Variants in ALG12 observed in about 807,000 individuals in gnomAD.
The protein encoded by ALG12 is dol-P-Man:Man(7)GlcNAc(2)-PP-Dol alpha-1,6-mannosyltransferase.
A neutral mutation model predicts 46.0 loss-of-function variants in ALG12; 36 were observed. The ratio of observed to expected loss-of-function variants is 0.78; its 90% CI spans 0.60 to 1.03. The LOEUF is 1.03. Ranked by LOEUF, ALG12 falls within the 50% of genes least tolerant of loss-of-function variation. ALG12 has a pLI of 0.00. For synonymous variants in ALG12, 326 were observed against 291.6 expected (o/e 1.12, Z -1.20); for missense variants, 599 against 633.5 (o/e 0.95, Z 0.58).
the ALG12 span, among the ~76,000 whole-genome samples, chr22:49,880,472 G>A: frequency 6.6e-6 from 1 of 152,216 alleles, no homozygotes; most frequent in Admixed American, 6.5e-5. Context: ...CTGGAAGCCT[G>A]GAAGCCCCGC....
At chr22:49,909,561 C>T (rs1048604734) in intron 5 of ALG12, among the ~76,000 whole-genome samples, 2 of 152,084 alleles carry the variant, frequency 1.3e-5, no homozygotes, top group Non-Finnish European at 2.9e-5. Context: ...GCAAGACTAT[C>T]TCTAAAACAA....
At chr22:49,891,029 CA>C in the ALG12 span, among the ~76,000 whole-genome samples, 14,998 of 118,856 alleles carry the variant, frequency 0.13, 724 homozygotes, top group South Asian at 0.22. Flanking sequence ...GACTCCATCT[CA>C]AAAAAAAAAA....
chr22:49,907,871 A>G lies in ALG12; in HGVS notation c.842T>C (p.Leu281Pro). 1 of 1,613,906 alleles carries G rather than the reference A, an allele frequency of 6.2e-7. No homozygotes were observed. Among genetic ancestry groups the G allele is most frequent in the Non-Finnish European group, 8.5e-7 (1 of 1,180,014 alleles). The change falls in exon 7 of 10, where the codon CTG becomes CCG. Residue 281 changes from leucine to proline, a missense_variant. By Grantham distance (98) the Leu-to-Pro change is moderately conservative. Transcript: ENST00000330817. ...GTGCGTCCTTCTGTCTACCAAGCCC[A>G]GGGGGATGAAGAGCAGGCTGCAGCC... Reference protein sequence around the residue: ...GLGCSLLFIPLGLVDRRTHAP... With the variant: ...GLGCSLLFIPPGLVDRRTHAP...
chr22:49,893,886 A>G, the ALG12 span, among the ~76,000 whole-genome samples: 8 of 152,184 alleles, frequency 5.3e-5, no homozygotes, highest in African/African-American at 1.9e-4. Flanking sequence ...ATTCTGGGCC[A>G]GGTGCAGTGG....
the ALG12 span, among the ~76,000 whole-genome samples, chr22:49,878,301 CAAAA>C: frequency 9.3e-6 from 1 of 107,216 alleles, no homozygotes; most frequent in African/African-American, 3.9e-5. Context: ...GACACTGTCT[CAAAA>C]AAAAAAAAAA....
At chr22:49,884,810 C>T in the ALG12 span, 2 of 1,610,068 alleles carry the variant, frequency 1.2e-6, no homozygotes, top group Non-Finnish European at 1.7e-6. Flanking sequence ...GTCAGAGAGT[C>T]CCCTTCGGCC....
chr22:49,895,939 G>C (rs1392622492), downstream of ALG12, among the ~76,000 whole-genome samples: 1 of 152,228 alleles, frequency 6.6e-6, no homozygotes, highest in East Asian at 1.9e-4. Context: ...TCTTGGTTGA[G>C]TTCTGGGAAG....
chr22:49,863,078 G>A, the ALG12 span, among the ~76,000 whole-genome samples: 1 of 152,160 alleles, frequency 6.6e-6, no homozygotes, highest in Non-Finnish European at 1.5e-5. Context: ...TAACTTGGTG[G>A]TTGGACTCGT....
chr22:49,891,009 G>A, the ALG12 span, among the ~76,000 whole-genome samples: 38 of 149,602 alleles, frequency 2.5e-4, no homozygotes, highest in Middle Eastern at 3.4e-3. Flanking sequence ...CAGCCTGGGC[G>A]ACAGAGCGAG....
chr22:49,913,320 C>G, intron 3 of ALG12, 65 bp downstream of exon 3: 1 of 1,607,458 alleles, frequency 6.2e-7, no homozygotes. Context: ...ACCGCGGCCT[C>G]GCTGAGGTCA....
intron 2 of ALG12, 29 bp downstream of exon 2, chr22:49,913,575 T>A: frequency 6.2e-7 from 1 of 1,613,684 alleles, no homozygotes; most frequent in Non-Finnish European, 8.5e-7. Context: ...AACATGAGGT[T>A]TTCCCCAAAG....
rs949064816 is a variant in ALG12 at position 49,901,876 on chromosome 22, G to T, written c.*1962C>A. The stretch of plus-strand genomic sequence containing the variant: ...TGCACTGTGTGTGGTGTGTATTCAT[G>T]GTGTGTGCACGTGTGCACTGTGTGT... On this transcript the variant is annotated 3_prime_UTR_variant, in exon 10 of 10. Transcript: ENST00000330817. 2.1e-5 allele frequency: 3 copies of T among 139,748 alleles called. No homozygotes were observed. Among genetic ancestry groups the T allele is most frequent in the Non-Finnish European group, 4.6e-5 (3 of 65,394 alleles). 8.7% of individuals were successfully genotyped at this position (139,748 alleles called of 1,614,324 possible). A position where few individuals can be genotyped will look rare whatever the true frequency, so the allele number is the denominator to read the frequency against.
rs777658699 is a variant in ALG12, at chr22:49,907,907, G to A, written c.806C>T (p.Pro269Leu). 1.2e-6 allele frequency: 2 copies of A among 1,613,356 alleles called. No individual in the cohort carries two copies. Among genetic ancestry groups the A allele is most frequent in the African/African-American group, 2.7e-5 (2 of 74,912 alleles). The change falls in exon 7 of 10, where the codon CCC becomes CTC. Residue 269 changes from proline (P) to leucine (L), a missense_variant. Coordinates refer to ENST00000330817, the MANE Select transcript of ALG12 (RefSeq NM_024105.4). ...GAGCAGGCTGCAGCCCAGGCCGCGG[G>A]GCAGGGCTGAGTAGAAGTACCACAG... ...PLLWYFYSAL[P>L]RGLGCSLLFI...
At chr22:49,862,695 T>C in the ALG12 span, among the ~76,000 whole-genome samples, 5 of 27,462 alleles carry the variant, frequency 1.8e-4, no homozygotes, top group East Asian at 6.8e-3. Flanking sequence ...AGTTTTTCCT[T>C]TTTTTTTTTT....
chr22:49,915,132 G>A (rs1341953144), intron 1 of ALG12, among the ~76,000 whole-genome samples: 1 of 152,228 alleles, frequency 6.6e-6, no homozygotes, highest in Non-Finnish European at 1.5e-5. Flanking sequence ...TGATATGGTG[G>A]GCAGGGGGTG....
chr22:49,896,846 TGCCAG>T (rs2060485287), downstream of ALG12, among the ~76,000 whole-genome samples: 1 of 151,874 alleles, frequency 6.6e-6, no homozygotes, highest in Admixed American at 6.6e-5. Context: ...TCGCCATGTT[TGCCAG>T]GCTGGTCTTG....
chr22:49,887,268 T>G, the ALG12 span: 1 of 1,394,056 alleles, frequency 7.2e-7, no homozygotes, highest in East Asian at 2.3e-5. Context: ...CCCACGGCTG[T>G]GTACGACATC....
At chr22:49,891,537 T>C in the ALG12 span, among the ~76,000 whole-genome samples, 2 of 152,212 alleles carry the variant, frequency 1.3e-5, no homozygotes, top group East Asian at 1.9e-4. Context: ...AAACGAGGTA[T>C]CTATGTGTAT....
At chr22:49,867,365 C>T in the ALG12 span, among the ~76,000 whole-genome samples, 41 of 152,316 alleles carry the variant, frequency 2.7e-4, no homozygotes, top group Non-Finnish European at 4.4e-4. Flanking sequence ...GTGTGCCAGG[C>T]GGCGGTGGGA....
Sources: allele counts gnomAD v4.1 joint callset (sites outside exome capture counted in the v4.1 genomes callset), GRCh38; gene constraint gnomAD v4.1.1; transcripts MANE v1.5; gene names NCBI Gene and HGNC (gene_info 2026-07-23, HGNC 2026-07-21).